The following NTRK3 variants were observed in gnomAD, a reference collection of about 807,000 sequenced individuals.
The protein encoded by NTRK3 is NT-3 growth factor receptor.
Under a neutral mutation model 91.7 loss-of-function variants are expected in NTRK3, and 24 were observed. The observed-to-expected ratio is 0.26, with a 90% CI of 0.19 to 0.37. NTRK3 has a LOEUF of 0.37. Among genes scored for constraint, NTRK3 ranks in the 10% least tolerant of loss-of-function variants. The pLI, the probability that NTRK3 is intolerant of heterozygous loss-of-function variation, is 1.00. For missense variants in NTRK3, 880 were observed against 1,068.9 expected (o/e 0.82, Z 2.46); for synonymous variants, 483 against 404.0 (o/e 1.20, Z -2.34).
exon 19 of NTRK3, chr15:87,861,430 C>T (rs2141370554): frequency 4.8e-6 from 1 of 206,884 alleles, no homozygotes; most frequent in African/African-American, 2.3e-5. Flanking sequence ...ATATCATTTA[C>T]ACGACAATAA....
At chr15:88,183,318 CT>C (rs1221335127) in intron 5 of NTRK3, 99 bp downstream of exon 5, 40 of 1,213,048 alleles carry the variant, frequency 3.3e-5, no homozygotes, top group Non-Finnish European at 4.7e-5. Context: ...CCAAGAGCCC[CT>C]GGAGGCAAAA....
intron 15 of NTRK3, 40 bp from the exon 16 acceptor site, chr15:87,933,224 G>T: frequency 6.2e-7 from 1 of 1,603,632 alleles, no homozygotes; most frequent in Admixed American, 1.7e-5. Flanking sequence ...ACAACTACAG[G>T]GCAGGGGGCT....
intron 14 of NTRK3, among the ~76,000 whole-genome samples, chr15:88,025,874 G>A (rs1039823590): frequency 5.3e-5 from 8 of 152,158 alleles, no homozygotes; most frequent in South Asian, 4.1e-4. Flanking sequence ...AATGAGAATC[G>A]CTTGAACCCG....
At chr15:88,038,796 T>C (rs1023407476) in intron 13 of NTRK3, among the ~76,000 whole-genome samples, 11 of 150,206 alleles carry the variant, frequency 7.3e-5, no homozygotes, top group Non-Finnish European at 1.5e-4. Flanking sequence ...TCCCCTGTGG[T>C]GACGGAGCTG....
chr15:88,215,751 G>T (rs1211069861), intron 3 of NTRK3, among the ~76,000 whole-genome samples: 1 of 152,210 alleles, frequency 6.6e-6, no homozygotes, highest in Non-Finnish European at 1.5e-5. Context: ...TTGACACTGG[G>T]CAAAGCAGTA....
At chr15:87,925,608 A>C in intron 17 of NTRK3, 1 of 211,154 alleles carries the variant, frequency 4.7e-6, no homozygotes, top group Non-Finnish European at 9.6e-6. Context: ...AATCCTTCAC[A>C]GTATTCTCGC....
At chr15:88,112,514 G>A (rs976374835) in intron 13 of NTRK3, among the ~76,000 whole-genome samples, 13 of 137,172 alleles carry the variant, frequency 9.5e-5, no homozygotes, top group Admixed American at 9.3e-4. Context: ...GGAAGCGAGG[G>A]ACTGCCTTCT....
At chr15:87,872,201 C>T (rs1245931584) in exon 19 of NTRK3, 2 of 220,332 alleles carry the variant, frequency 9.1e-6, no homozygotes, top group Admixed American at 5.8e-5. Flanking sequence ...ATTCAACAAA[C>T]ATCCCTAGAC....
At chr15:88,129,302 T>A (rs545024583) in intron 10 of NTRK3, among the ~76,000 whole-genome samples, 1 of 152,334 alleles carries the variant, frequency 6.6e-6, no homozygotes, top group South Asian at 2.1e-4. Flanking sequence ...AGCTAATCCT[T>A]ATTGCACATT....
chr15:88,176,279 G>A (rs555053938), intron 5 of NTRK3, among the ~76,000 whole-genome samples: 1 of 151,896 alleles, frequency 6.6e-6, no homozygotes, highest in Non-Finnish European at 1.5e-5. Context: ...TGGGACTACA[G>A]GCAAGCGCCA....
intron 17 of NTRK3, among the ~76,000 whole-genome samples, chr15:87,892,995 T>C (rs1317081002): frequency 1.3e-5 from 2 of 152,238 alleles, no homozygotes; most frequent in Non-Finnish European, 2.9e-5. Context: ...TACAATATTC[T>C]GGAAATGACA....
At chr15:87,932,220 T>C (rs1314666451) in intron 16 of NTRK3, among the ~76,000 whole-genome samples, 1 of 152,238 alleles carries the variant, frequency 6.6e-6, no homozygotes, top group East Asian at 1.9e-4. Flanking sequence ...GGTCTTGTTC[T>C]AGGCTCGGAG....
intron 13 of NTRK3, among the ~76,000 whole-genome samples, chr15:88,070,098 G>A (rs926711092): frequency 6.6e-6 from 1 of 152,064 alleles, no homozygotes; most frequent in African/African-American, 2.4e-5. Flanking sequence ...TGTGATTCAG[G>A]GTTATCAATA....
At chr15:88,034,977 C>G (rs1013652269) in intron 13 of NTRK3, among the ~76,000 whole-genome samples, 4 of 152,286 alleles carry the variant, frequency 2.6e-5, no homozygotes, top group African/African-American at 9.6e-5. Context: ...CCTCCTCAAA[C>G]ATACACTAAC....
chr15:88,046,178 A>G (rs1376199562), intron 13 of NTRK3, among the ~76,000 whole-genome samples: 1 of 152,200 alleles, frequency 6.6e-6, no homozygotes, highest in Non-Finnish European at 1.5e-5. Flanking sequence ...AGTTCAATCT[A>G]TGGGCATTTA....
Position 88,137,794 on chromosome 15 carries a change from T to C in NTRK3, c.465-233A>G, listed in dbSNP as rs1597525996. ...CCAGCCAGGTGCGGTGGCTCATGCC[T>C]GTAATCCCAGCACTTTGGGAGGTCA... On this transcript the variant is annotated intron_variant, in intron 6 of 18. Transcript: ENST00000394480. Among the ~76,000 whole-genome samples the C allele has an allele frequency of 2.6e-5, 4 of 152,366 alleles. 1 individual carries two copies. Among genetic ancestry groups the C allele is most frequent in the Admixed American group, 2.6e-4 (4 of 15,312 alleles).
chr15:87,903,960 G>A (rs1278953182), intron 17 of NTRK3, among the ~76,000 whole-genome samples: 4 of 152,120 alleles, frequency 2.6e-5, no homozygotes, highest in Admixed American at 1.3e-4. Context: ...GAAAACACTC[G>A]CATGCCAAGA....
At chr15:88,134,823 A>G (rs2151186803) in intron 10 of NTRK3, among the ~76,000 whole-genome samples, 1 of 152,356 alleles carries the variant, frequency 6.6e-6, no homozygotes, top group Non-Finnish European at 1.5e-5. Flanking sequence ...CTCTACCATT[A>G]CTGTCTCTGC....
intron 13 of NTRK3, among the ~76,000 whole-genome samples, chr15:88,093,551 T>C: frequency 6.6e-6 from 1 of 152,170 alleles, no homozygotes; most frequent in Non-Finnish European, 1.5e-5. Flanking sequence ...GCAGTCAGGA[T>C]TTAAATAGAC....
Sources: allele counts gnomAD v4.1 joint callset (sites outside exome capture counted in the v4.1 genomes callset), GRCh38; gene constraint gnomAD v4.1.1; transcripts MANE v1.5; gene names NCBI Gene and HGNC (gene_info 2026-07-23, HGNC 2026-07-21).